CSMD1: variants seen among roughly 807,000 people sequenced by gnomAD.
CSMD1 encodes the protein CUB and Sushi multiple domains 1.
Under a neutral mutation model 417.5 loss-of-function variants are expected in CSMD1, and 213 were observed. The observed-to-expected ratio is 0.51, with a 90% CI of 0.46 to 0.57. The LOEUF (loss-of-function observed/expected upper bound fraction) is 0.57, where lower values mean the gene tolerates loss of function less well. Ranked by LOEUF, CSMD1 falls within the 20% of genes least tolerant of loss-of-function variation. The pLI is 0.00. For synonymous variants in CSMD1, 2,862 were observed against 1,736.8 expected (o/e 1.65, Z -16.11); for missense variants, 6,923 against 4,529.7 (o/e 1.53, Z -15.17).
chr8:3,663,500 C>A (rs1040888337), intron 7 of CSMD1, among the ~76,000 whole-genome samples: 2 of 152,062 alleles, frequency 1.3e-5, no homozygotes, highest in African/African-American at 4.8e-5. Context: ...CTCAGGGCCC[C>A]AAAATCACTG....
chr8:4,893,389 GAATTT>G lies in CSMD1; in HGVS notation c.85+100938_85+100942del, dbSNP rs1339198922. On this transcript the variant is annotated intron_variant, in intron 1 of 69. Coordinates refer to ENST00000635120, the MANE Select transcript of CSMD1 (RefSeq NM_033225.6). ...TGTTTACCATGCTTTTATTAATACA[GAATTT>G]TTTTTCTTAATGTTTATATTCACAA... is the stretch of plus-strand genomic sequence containing the variant. Among the ~76,000 whole-genome samples, 3 of 151,884 alleles carry G rather than the reference GAATTT, an allele frequency of 2.0e-5. No individual in the cohort carries two copies. The East Asian group carries it at 5.8e-4, about 29-fold the overall frequency.
At chr8:4,403,034 C>T (rs6988291) in intron 3 of CSMD1, among the ~76,000 whole-genome samples, 97,204 of 151,294 alleles carry the variant, frequency 0.64, 31,910 homozygotes, top group African/African-American at 0.79. Flanking sequence ...GGTTTCACCA[C>T]GTTGGCCAGG....
At chr8:4,663,664 C>G (rs1185615357) in intron 1 of CSMD1, among the ~76,000 whole-genome samples, 1 of 152,208 alleles carries the variant, frequency 6.6e-6, no homozygotes, top group South Asian at 2.1e-4. Flanking sequence ...TTCCCTGAGA[C>G]CTCCCCAGCC....
intron 1 of CSMD1, among the ~76,000 whole-genome samples, chr8:4,946,337 T>C (rs1255418834): frequency 6.6e-6 from 1 of 152,128 alleles, no homozygotes; most frequent in Non-Finnish European, 1.5e-5. Context: ...CTTAAAACAA[T>C]TTTTGAGGGT....
chr8:3,158,505 C>G (rs1819676270), intron 38 of CSMD1, among the ~76,000 whole-genome samples: 1 of 152,108 alleles, frequency 6.6e-6, no homozygotes, highest in Admixed American at 6.5e-5. Flanking sequence ...TTCATTTTCT[C>G]ACTAGACATC....
At chr8:3,961,327 G>C (rs1812305530) in intron 5 of CSMD1, among the ~76,000 whole-genome samples, 1 of 152,128 alleles carries the variant, frequency 6.6e-6, no homozygotes, top group South Asian at 2.1e-4. Context: ...TTCAATTAAG[G>C]AAACATTTTT....
At chr8:4,011,466 T>C (rs1410200024) in intron 4 of CSMD1, among the ~76,000 whole-genome samples, 2 of 152,200 alleles carry the variant, frequency 1.3e-5, no homozygotes, top group Admixed American at 6.5e-5. Flanking sequence ...ATTTGCGGTC[T>C]TTAACCTTGT....
chr8:4,834,731 C>A (rs984528569), intron 1 of CSMD1, among the ~76,000 whole-genome samples: 2 of 151,318 alleles, frequency 1.3e-5, no homozygotes, highest in African/African-American at 2.4e-5. Flanking sequence ...CCGAGGCGGG[C>A]GGATCACGAC....
At chr8:4,808,409 G>A (rs1027499274) in intron 1 of CSMD1, among the ~76,000 whole-genome samples, 1 of 152,122 alleles carries the variant, frequency 6.6e-6, no homozygotes, top group Admixed American at 6.5e-5. Context: ...GAATTCAAAG[G>A]AAAAAGACGG....
chr8:3,560,812 T>A (rs1799437694), intron 10 of CSMD1, among the ~76,000 whole-genome samples: 1 of 152,206 alleles, frequency 6.6e-6, no homozygotes, highest in East Asian at 1.9e-4. Flanking sequence ...GAAAGCAATT[T>A]CATTTATCCT....
intron 23 of CSMD1, among the ~76,000 whole-genome samples, chr8:3,320,986 C>T (rs1318480354): frequency 2.0e-5 from 3 of 152,184 alleles, no homozygotes; most frequent in East Asian, 1.9e-4. Flanking sequence ...AAATAAAGGC[C>T]GTGAGTTCCA....
chr8:3,717,529 A>G (rs574378497), intron 6 of CSMD1, among the ~76,000 whole-genome samples: 1 of 152,334 alleles, frequency 6.6e-6, no homozygotes, highest in South Asian at 2.1e-4. Context: ...CATGGCCATG[A>G]AAGATTAGGT....
chr8:4,603,050 C>T (rs1342707044), intron 2 of CSMD1, among the ~76,000 whole-genome samples: 4 of 151,470 alleles, frequency 2.6e-5, no homozygotes, highest in African/African-American at 7.3e-5. Context: ...TAAAAATGAA[C>T]TAAAAGTATA....
chr8:3,882,881 C>T (rs773293427), intron 5 of CSMD1, among the ~76,000 whole-genome samples: 4 of 152,114 alleles, frequency 2.6e-5, no homozygotes, highest in African/African-American at 9.7e-5. Context: ...TTGGGACTGA[C>T]GATTTCAAGA....
chr8:3,416,622 C>G (rs1813168155), intron 12 of CSMD1, among the ~76,000 whole-genome samples: 1 of 152,188 alleles, frequency 6.6e-6, no homozygotes, highest in Non-Finnish European at 1.5e-5. Context: ...CCAGGAGCTA[C>G]ATGGAAACAC....
At chr8:3,582,464 C>A (rs1283015817) in intron 9 of CSMD1, among the ~76,000 whole-genome samples, 1 of 152,028 alleles carries the variant, frequency 6.6e-6, no homozygotes, top group East Asian at 1.9e-4. Context: ...GGATGCCAGC[C>A]AGGAAGTGGG....
chr8:3,866,566 T>C (rs1805120130), intron 5 of CSMD1, among the ~76,000 whole-genome samples: 3 of 152,326 alleles, frequency 2.0e-5, no homozygotes, highest in East Asian at 3.9e-4. Context: ...TTAGTTCTGG[T>C]GATGACACTA....
intron 5 of CSMD1, among the ~76,000 whole-genome samples, chr8:3,882,508 C>A (rs115811325): frequency 6.6e-6 from 1 of 152,174 alleles, no homozygotes; most frequent in South Asian, 2.1e-4. Context: ...CTCTCTGCCT[C>A]GGTTGAGCAC....
At chr8:4,445,286 T>C (rs1026794955) in intron 2 of CSMD1, among the ~76,000 whole-genome samples, 1 of 152,222 alleles carries the variant, frequency 6.6e-6, no homozygotes, top group Non-Finnish European at 1.5e-5. Context: ...ACCTATGACA[T>C]TCCGTTAGTT....
Sources: gnomAD v4.1 joint callset for allele counts (sites outside exome capture counted in the v4.1 genomes callset) on GRCh38, gnomAD v4.1.1 for gene constraint, MANE v1.5 for transcripts, NCBI Gene and HGNC (gene_info 2026-07-23, HGNC 2026-07-21) for gene names.